The following CCDC150 variants were observed in gnomAD, a reference collection of about 807,000 sequenced individuals.
CCDC150 encodes coiled-coil domain-containing protein 150.
In CCDC150, 151 loss-of-function variants were observed where a neutral mutation model predicts 156.5. The ratio of observed to expected loss-of-function variants is 0.97; its 90% CI spans 0.85 to 1.10. CCDC150 has a LOEUF of 1.10. CCDC150 is among the 50% of genes least tolerant of loss of function. CCDC150 has a pLI of 0.00. For missense variants in CCDC150, 1,312 were observed against 1,268.1 expected, an observed-to-expected ratio of 1.03 and a Z score of -0.53; for synonymous variants, 452 against 429.4, an observed-to-expected ratio of 1.05 and a Z score of -0.65.
intron 15 of CCDC150, among the ~76,000 whole-genome samples, chr2:196,708,731 G>C: frequency 6.6e-6 from 1 of 152,172 alleles, no homozygotes; most frequent in East Asian, 1.9e-4. Flanking sequence ...GCATTTGCTT[G>C]TCTGTAAAGG....
intron 1 of CCDC150, among the ~76,000 whole-genome samples, chr2:196,646,043 CTG>C (rs796689444): frequency 2.7e-4 from 41 of 152,306 alleles, no homozygotes; most frequent in African/African-American, 9.9e-4. Flanking sequence ...GACATCCACA[CTG>C]TATATCATGA....
At chr2:196,718,990 T>A (rs1324801308) in intron 18 of CCDC150, among the ~76,000 whole-genome samples, 3 of 152,256 alleles carry the variant, frequency 2.0e-5, no homozygotes, top group Non-Finnish European at 4.4e-5. Flanking sequence ...AGTGTGTGTA[T>A]GCTTAGTGGG....
chr2:196,685,769 G>T (rs1575833526), intron 13 of CCDC150, among the ~76,000 whole-genome samples: 2 of 151,734 alleles, frequency 1.3e-5, no homozygotes, highest in African/African-American at 2.4e-5. Flanking sequence ...CTACCACCAC[G>T]CCTGGCTAAT....
chr2:196,699,307 TATTA>T (rs1333342155), intron 14 of CCDC150, among the ~76,000 whole-genome samples: 22 of 152,232 alleles, frequency 1.4e-4, no homozygotes, highest in Admixed American at 5.2e-4. Context: ...ATGAAATAAA[TATTA>T]ATTCTGACAG....
chr2:196,713,240 A>T, intron 17 of CCDC150: 1 of 1,296,484 alleles, frequency 7.7e-7, no homozygotes, highest in Non-Finnish European at 1.0e-6. Flanking sequence ...CATTTTCAAT[A>T]TATTTTCCAT....
chr2:196,729,854 A>C lies in CCDC150; in HGVS notation c.2813A>C (p.Tyr938Ser). 6.2e-7 allele frequency: 1 copy of C among 1,602,688 alleles called. No homozygotes were observed. Among genetic ancestry groups the C allele is most frequent in the Non-Finnish European group, 8.5e-7 (1 of 1,172,954 alleles). The change falls in exon 24 of 28, where the codon TAT becomes TCT. Residue 938 changes from tyrosine (Y) to serine (S), a missense_variant. Tyr to Ser is a moderately radical substitution (Grantham distance 144). Transcript: ENST00000389175. ...AAGGATCAATATCAGAAAAAGAACTATGAACAGGTAGATGATTTCCATATA... is the reference window on the plus strand; with the variant it reads ...AAGGATCAATATCAGAAAAAGAACTCTGAACAGGTAGATGATTTCCATATA... Reference protein sequence around the residue: ...LIKDQYQKKNYEQSLSIQRFV... With the variant: ...LIKDQYQKKNSEQSLSIQRFV...
chr2:196,650,160 G>A (rs746480951), intron 2 of CCDC150, among the ~76,000 whole-genome samples: 10 of 152,152 alleles, frequency 6.6e-5, no homozygotes, highest in Admixed American at 1.3e-4. Flanking sequence ...GTTGAGGTAC[G>A]TTCCTTCTAT....
At chr2:196,723,336 A>G (rs910930649) in intron 21 of CCDC150, among the ~76,000 whole-genome samples, 4 of 152,092 alleles carry the variant, frequency 2.6e-5, no homozygotes, top group Non-Finnish European at 5.9e-5. Context: ...CCCCATCTCT[A>G]CTAAAAATAC....
chr2:196,687,527 A>G (rs1044894163), intron 13 of CCDC150, among the ~76,000 whole-genome samples: 69 of 152,074 alleles, frequency 4.5e-4, no homozygotes, highest in Non-Finnish European at 8.8e-5. Context: ...TGTCAGATGT[A>G]TAGTCTTTCA....
intron 2 of CCDC150, among the ~76,000 whole-genome samples, chr2:196,652,876 C>T (rs1021934761): frequency 6.6e-6 from 1 of 152,342 alleles, no homozygotes; most frequent in African/African-American, 2.4e-5. Flanking sequence ...TGCCTGCAAG[C>T]TTAGCACCAC....
chr2:196,720,356 A>G (rs541163569), intron 19 of CCDC150: 5 of 505,536 alleles, frequency 9.9e-6, no homozygotes, highest in African/African-American at 7.7e-5. Flanking sequence ...ACTATTCACA[A>G]TAAATTTATA....
intron 1 of CCDC150, among the ~76,000 whole-genome samples, chr2:196,645,542 T>TTAAA (rs1167631841): frequency 1.3e-5 from 2 of 152,260 alleles, no homozygotes; most frequent in Non-Finnish European, 2.9e-5. Context: ...AGGACAATGT[T>TTAAA]TTTAAAGTTT....
Position 196,656,659 on chromosome 2 carries a change from T to G in CCDC150, c.203T>G (p.Leu68Ter), listed in dbSNP as rs1693204516. 2.5e-6 allele frequency: 4 copies of G among 1,611,788 alleles called. No homozygotes were observed. Among genetic ancestry groups the G allele is most frequent in the Non-Finnish European group, 3.4e-6 (4 of 1,178,764 alleles). ...GGCTATTTGGAAGCTCCAGACTGTT[T>G]AGAAGACCTGGACAGCCAGAAAGTC... The part of the protein sequence containing the change: ...KRGYLEAPDC[L>*]EDLDSQKVIS... The change falls in exon 3 of 28, where the codon TTA becomes TGA. Residue 68 changes from leucine (L) to a stop codon, truncating the protein, a stop_gained. Coordinates refer to ENST00000389175, the MANE Select transcript of CCDC150 (RefSeq NM_001080539.2). LOFTEE classifies it high-confidence loss of function.
At chr2:196,687,182 G>A (rs141040712) in intron 13 of CCDC150, among the ~76,000 whole-genome samples, 1,755 of 152,242 alleles carry the variant, frequency 0.012, 15 homozygotes, top group Non-Finnish European at 0.018. Flanking sequence ...TTGAGGAATC[G>A]CCACACTGTC....
Position 196,665,669 on chromosome 2 carries a change from G to A in CCDC150, c.748G>A (p.Val250Ile), listed in dbSNP as rs1243849717. 2.0e-5 allele frequency: 31 copies of A among 1,588,084 alleles called. No individual in the cohort carries two copies. Among genetic ancestry groups the A allele is most frequent in the Non-Finnish European group, 2.6e-5 (30 of 1,166,016 alleles). Reference sequence around the variant, plus strand: ...ACAAGAAATGGGATCAACAGTGGAGGTAGAACGAAAACAGGTAGAAAGATT... The same window carrying A: ...ACAAGAAATGGGATCAACAGTGGAGATAGAACGAAAACAGGTAGAAAGATT... ...KIQEMGSTVE[V>I]ERKQVHILQQ... Residue 250 changes from valine (V) to isoleucine (I), a missense_variant, in exon 6 of 28, where the codon GTA becomes ATA. Coordinates refer to ENST00000389175, the MANE Select transcript of CCDC150 (RefSeq NM_001080539.2).
rs957451977 is a variant in CCDC150, at chr2:196,702,685, C to A, written c.1695+1505C>A. The stretch of plus-strand genomic sequence containing the variant: ...ACTTTTTAAAGCTACTCAGATGATT[C>A]CAATGTTACAACCATAGTTGAGGCC... On this transcript the variant is annotated intron_variant, in intron 15 of 27. Transcript: ENST00000389175. Among the ~76,000 whole-genome samples, 3 of 151,494 alleles carry A rather than the reference C, an allele frequency of 2.0e-5. No individual in the cohort carries two copies. The East Asian group carries it at 5.8e-4, about 29-fold the overall frequency.
chr2:196,653,580 T>G (rs1484063581), intron 2 of CCDC150, among the ~76,000 whole-genome samples: 1 of 152,214 alleles, frequency 6.6e-6, no homozygotes, highest in Non-Finnish European at 1.5e-5. Context: ...TTCTGTCATC[T>G]AAGACCTCAT....
Position 196,729,271 on chromosome 2 carries a change from G to C in CCDC150, c.2635G>C (p.Ala879Pro). Residue 879 changes from alanine (A) to proline (P), a missense_variant, in exon 23 of 28, where the codon GCA (alanine) becomes CCA (proline). Ala to Pro is a conservative substitution (Grantham distance 27). Coordinates refer to ENST00000389175, the MANE Select transcript of CCDC150 (RefSeq NM_001080539.2). ...CAACCGAGAGCTGCGACAGAAACTT[G>C]CAGAGCTAGAAAAAATACTAGAAAG... is the stretch of plus-strand genomic sequence containing the variant. ...RTNRELRQKL[A>P]ELEKILESNK... 1 of 1,613,766 alleles carries C rather than the reference G, an allele frequency of 6.2e-7. No homozygotes were observed. The highest frequency in any genetic ancestry group is 1.1e-5 in the South Asian group (1 of 91,042).
rs1698099718 is a variant in CCDC150, at chr2:196,724,512, A to G, written c.2430-1461A>G. ...GTAATATGCTAAGGACTTCACATGC[A>G]TTATTTCCTTTAGTACAAACTATTA... On this transcript the variant is annotated intron_variant, in intron 21 of 27. Coordinates refer to ENST00000389175, the MANE Select transcript of CCDC150 (RefSeq NM_001080539.2). Among the ~76,000 whole-genome samples the G allele has an allele frequency of 2.0e-5, 3 of 152,178 alleles. No homozygotes were observed. In the South Asian group the frequency reaches 6.2e-4, roughly 32 times the overall value.
Sources: gnomAD v4.1 joint callset for allele counts (sites outside exome capture counted in the v4.1 genomes callset) on GRCh38, gnomAD v4.1.1 for gene constraint, MANE v1.5 for transcripts, NCBI Gene and HGNC (gene_info 2026-07-23, HGNC 2026-07-21) for gene names.